TMEM245: variants seen among roughly 807,000 people sequenced by gnomAD.
TMEM245 encodes the protein transmembrane protein 245, also known as protein CG-2.
A neutral mutation model predicts 101.2 loss-of-function variants in TMEM245; 69 were observed. That is an observed-to-expected ratio of 0.68 (90% CI 0.56 to 0.83). TMEM245 has a LOEUF of 0.83. Ranked by LOEUF, TMEM245 falls within the 40% of genes least tolerant of loss-of-function variation. The probability of loss-of-function intolerance (pLI) is 0.00; values close to 1 mark genes in which losing one functional copy is unlikely to be tolerated. For synonymous variants in TMEM245, 537 were observed against 449.8 expected, an observed-to-expected ratio of 1.19 and a Z score of -2.45; for missense variants, 1,075 against 1,092.8, an observed-to-expected ratio of 0.98 and a Z score of 0.23.
At chr9:109,073,964 G>A (rs113489633) in intron 8 of TMEM245, among the ~76,000 whole-genome samples, 1 of 149,234 alleles carries the variant, frequency 6.7e-6, no homozygotes, top group Non-Finnish European at 1.5e-5. Context: ...ACGTTCAAGC[G>A]ATTCTCGTGC....
intron 8 of TMEM245, among the ~76,000 whole-genome samples, chr9:109,078,033 C>G (rs1329177509): frequency 6.6e-6 from 1 of 152,094 alleles, no homozygotes; most frequent in Admixed American, 6.5e-5. Context: ...TTTAGTATAC[C>G]ATTTTAGTTC....
At chr9:109,049,362 C>T (rs796718976) in intron 14 of TMEM245, among the ~76,000 whole-genome samples, 1 of 152,148 alleles carries the variant, frequency 6.6e-6, no homozygotes, top group Non-Finnish European at 1.5e-5. Flanking sequence ...ACAGCTTTCA[C>T]ACCACCATGC....
chr9:109,029,780 G>C (rs528962362), intron 17 of TMEM245, among the ~76,000 whole-genome samples: 1 of 152,330 alleles, frequency 6.6e-6, no homozygotes, highest in Admixed American at 6.5e-5. Context: ...GGGCAGACCA[G>C]GGCACTTAGG....
chr9:109,030,194 G>T (rs1827905367), intron 17 of TMEM245, among the ~76,000 whole-genome samples: 1 of 152,064 alleles, frequency 6.6e-6, no homozygotes, highest in Non-Finnish European at 1.5e-5. Context: ...AAATAATACA[G>T]GGTCAAAAAG....
chr9:109,050,824 T>G, intron 12 of TMEM245, 132 bp from the exon 13 acceptor site: 2 of 967,914 alleles, frequency 2.1e-6, no homozygotes, highest in South Asian at 3.1e-5. Context: ...TTATTTCAAA[T>G]GAAAATTAAA....
In TMEM245 at chr9:109,106,525, T is replaced by C. The variant is rs1383620542; in HGVS notation, c.782A>G (p.Asn261Ser). 8 of 1,609,824 alleles carry C rather than the reference T, an allele frequency of 5.0e-6. No homozygotes were observed. Among genetic ancestry groups the C allele is most frequent in the Non-Finnish European group, 6.8e-6 (8 of 1,177,356 alleles). ...TTTCTTACCAGAAGACTCTTTTCCATTCTGTTTTTCATAGAGGGTACCCAC... is the reference window on the plus strand; with the variant it reads ...TTTCTTACCAGAAGACTCTTTTCCACTCTGTTTTTCATAGAGGGTACCCAC... ...MSVGTLYEKQ[N>S]GKESSGAELP... is the part of the protein sequence containing the mutation. Residue 261 changes from asparagine (N) to serine (S), a missense_variant, in exon 3 of 18, where the codon AAT becomes AGT. Physicochemically the swap from Asn to Ser is conservative, Grantham distance 46. Around this residue, in one of 2 missense-constraint regions of TMEM245, gnomAD observed 808 missense variants for 741.5 expected, o/e 1.09. Transcript: ENST00000374586.
intron 3 of TMEM245, among the ~76,000 whole-genome samples, chr9:109,102,415 A>G (rs1830303369): frequency 6.6e-6 from 1 of 152,240 alleles, no homozygotes; most frequent in South Asian, 2.1e-4. Flanking sequence ...AAATAATAAA[A>G]AGCAAATTAA....
chr9:109,067,465 C>G (rs1829204159), intron 9 of TMEM245, among the ~76,000 whole-genome samples: 1 of 152,182 alleles, frequency 6.6e-6, no homozygotes, highest in Non-Finnish European at 1.5e-5. Flanking sequence ...CTTCACCTTC[C>G]TGGGTAAAGG....
At chr9:109,039,401 AAAC>A (rs1202163264) in intron 14 of TMEM245, 1 of 152,200 alleles carries the variant, frequency 6.6e-6, no homozygotes, top group African/African-American at 2.4e-5. Context: ...AGCAAAAAGA[AAAC>A]AACAGAGCTT....
intron 10 of TMEM245, among the ~76,000 whole-genome samples, chr9:109,061,608 C>T (rs1829014054): frequency 6.6e-6 from 1 of 152,032 alleles, no homozygotes. Flanking sequence ...GCTCTGTCAC[C>T]CAGGCTGAAG....
intron 1 of TMEM245, among the ~76,000 whole-genome samples, chr9:109,113,369 T>C (rs986531944): frequency 1.1e-4 from 17 of 152,344 alleles, no homozygotes; most frequent in African/African-American, 3.8e-4. Flanking sequence ...AGCAAACCTA[T>C]TCAAGTGTGA....
At chr9:109,024,337 G>A (rs774920762) in intron 17 of TMEM245, among the ~76,000 whole-genome samples, 62 of 152,254 alleles carry the variant, frequency 4.1e-4, no homozygotes, top group South Asian at 1.9e-3. Context: ...ATGTCCCATC[G>A]TCTTTTATCA....
At chr9:109,061,336 A>G (rs1829006152) in intron 10 of TMEM245, among the ~76,000 whole-genome samples, 1 of 152,080 alleles carries the variant, frequency 6.6e-6, no homozygotes, top group Non-Finnish European at 1.5e-5. Context: ...ACAAAAACCC[A>G]AAGAATTTCT....
At chr9:109,103,679 A>C (rs1207197753) in intron 3 of TMEM245, among the ~76,000 whole-genome samples, 1 of 152,204 alleles carries the variant, frequency 6.6e-6, no homozygotes, top group East Asian at 1.9e-4. Flanking sequence ...GGATCTAAAA[A>C]TCAAAACAAT....
chr9:109,074,711 T>C (rs937693701), intron 8 of TMEM245, among the ~76,000 whole-genome samples: 3 of 151,978 alleles, frequency 2.0e-5, no homozygotes, highest in South Asian at 4.1e-4. Flanking sequence ...GCAAAATCAC[T>C]AGGGCAAGTC....
At chr9:109,069,549 T>A (rs1829267921) in intron 9 of TMEM245, among the ~76,000 whole-genome samples, 2 of 152,106 alleles carry the variant, frequency 1.3e-5, no homozygotes, top group South Asian at 4.1e-4. Flanking sequence ...TTTCCCGCCT[T>A]CCCCGCTCCA....
chr9:109,080,769 G>A lies in TMEM245; in HGVS notation c.1449+70C>T. On this transcript the variant is annotated intron_variant, in intron 8 of 17. Coordinates refer to ENST00000374586, the MANE Select transcript of TMEM245 (RefSeq NM_032012.4). ...AACATTTTCCATGCCCCTTCTGCTA[G>A]CTTTTAATCCAGACTACAATTCTAA... The A allele has an allele frequency of 4.1e-6, 4 of 966,102 alleles. 1 individual carries two copies. The highest frequency in any genetic ancestry group is 6.3e-6 in the Non-Finnish European group (4 of 633,232). The allele number at this position is 966,102 out of a possible 1,614,324, so 59.8% of individuals were successfully genotyped here. A position where few individuals can be genotyped will look rare whatever the true frequency, so the allele number is the denominator to read the frequency against.
At chr9:109,075,190 G>A (rs945878576) in intron 8 of TMEM245, among the ~76,000 whole-genome samples, 4 of 152,172 alleles carry the variant, frequency 2.6e-5, no homozygotes, top group African/African-American at 9.7e-5. Context: ...CCAACTGTTG[G>A]ATGTTAAACG....
chr9:109,080,875 T>C lies in TMEM245; in HGVS notation c.1413A>G (p.Ile471Met), dbSNP rs376894610. The C allele has an allele frequency of 2.6e-5, 42 of 1,609,408 alleles. No individual in the cohort carries two copies. Among genetic ancestry groups the C allele is most frequent in the Non-Finnish European group, 3.5e-5 (41 of 1,176,402 alleles). ...ISIFIIFLLV[I>M]GTLLLALLLT... Reference sequence around the variant, plus strand: ...GGAGTAGGGCTAAAAGAAGAGTTCCTATCACTAACAAAAATATGATGAAAA... The same window carrying C: ...GGAGTAGGGCTAAAAGAAGAGTTCCCATCACTAACAAAAATATGATGAAAA... Residue 471 changes from isoleucine to methionine, a missense_variant, in exon 8 of 18, where the codon ATA becomes ATG. Ile to Met is a conservative substitution (Grantham distance 10). Around this residue, in one of 2 missense-constraint regions of TMEM245, gnomAD observed 808 missense variants for 741.5 expected, o/e 1.09. Coordinates refer to ENST00000374586, the MANE Select transcript of TMEM245 (RefSeq NM_032012.4).
Sources: gnomAD v4.1 joint callset for allele counts (sites outside exome capture counted in the v4.1 genomes callset) on GRCh38, gnomAD v4.1.1 for gene constraint, gnomAD v4.1.1 regional missense constraint, MANE v1.5 for transcripts, NCBI Gene and HGNC (gene_info 2026-07-23, HGNC 2026-07-21) for gene names.